The following DACH1 variants were observed in gnomAD, a reference collection of about 807,000 sequenced individuals.
DACH1 encodes the protein dachshund family transcription factor 1, also known as dachshund homolog 1.
In DACH1, 12 loss-of-function variants were observed where a neutral mutation model predicts 54.2. The ratio of observed to expected loss-of-function variants is 0.22; its 90% confidence interval spans 0.14 to 0.36. The LOEUF is 0.36. Ranked by LOEUF, DACH1 falls within the 10% of genes least tolerant of loss-of-function variation. DACH1 has a pLI of 1.00. For synonymous variants in DACH1, 386 were observed against 366.2 expected, an observed-to-expected ratio of 1.05 and a Z score of -0.62; for missense variants, 805 against 929.8, an observed-to-expected ratio of 0.87 and a Z score of 1.75.
At chr13:71,585,687 T>A (rs1873195785) in intron 3 of DACH1, among the ~76,000 whole-genome samples, 1 of 152,098 alleles carries the variant, frequency 6.6e-6, no homozygotes, top group Non-Finnish European at 1.5e-5. Context: ...AGGACCAGAT[T>A]ATGAAAGTTC....
intron 1 of DACH1, among the ~76,000 whole-genome samples, chr13:71,725,371 CT>C (rs1883424093): frequency 6.6e-6 from 1 of 152,040 alleles, no homozygotes; most frequent in Non-Finnish European, 1.5e-5. Context: ...TCTAAAACTC[CT>C]CTCAAAAGCT....
intron 1 of DACH1, among the ~76,000 whole-genome samples, chr13:71,791,244 G>A (rs1886818156): frequency 6.6e-6 from 1 of 152,092 alleles, no homozygotes; most frequent in African/African-American, 2.4e-5. Context: ...TAACCCATTT[G>A]CTCTTTCGGA....
At chr13:71,644,344 G>T (rs1374998702) in intron 2 of DACH1, among the ~76,000 whole-genome samples, 1 of 152,102 alleles carries the variant, frequency 6.6e-6, no homozygotes, top group Non-Finnish European at 1.5e-5. Flanking sequence ...AAAAATGAAT[G>T]GTCTATGTGT....
At chr13:71,703,612 T>C (rs1044970154) in intron 1 of DACH1, among the ~76,000 whole-genome samples, 7 of 152,360 alleles carry the variant, frequency 4.6e-5, no homozygotes, top group Non-Finnish European at 1.0e-4. Context: ...ATATGTATGC[T>C]AGAGCTCAAC....
Position 71,738,731 on chromosome 13 carries a change from CAAAAAAAAAAA to C in DACH1, c.849-56832_849-56822del, listed in dbSNP as rs34856567. Among the ~76,000 whole-genome samples, 174 of 24,058 alleles carry C rather than the reference CAAAAAAAAAAA, an allele frequency of 7.2e-3. 2 individuals are homozygous for C. The highest frequency in any genetic ancestry group is 8.9e-3 in the Admixed American group (9 of 1,010). 15.8% of individuals were successfully genotyped at this position (24,058 alleles called of 152,430 possible). ...TGGGCAACAGAGCGAGACTCTGTCT[CAAAAAAAAAAA>C]AAAAAAAAAAAAAAAAAAAGACAGA... On this transcript the variant is annotated intron_variant, in intron 1 of 10. Transcript: ENST00000613252.
chr13:71,816,581 C>T lies in DACH1; in HGVS notation c.848+49341G>A, dbSNP rs191869511. Among the ~76,000 whole-genome samples the T allele has an allele frequency of 1.4e-3, 168 of 122,732 alleles. 2 individuals carry two copies. Among genetic ancestry groups the T allele is most frequent in the African/African-American group, 5.0e-3 (158 of 31,892 alleles). The allele number at this position is 122,732 out of a possible 152,430, so 80.5% of individuals were successfully genotyped here. On this transcript the variant is annotated intron_variant, in intron 1 of 10. Coordinates refer to ENST00000613252, the MANE Select transcript of DACH1 (RefSeq NM_080759.6). The stretch of plus-strand genomic sequence containing the variant: ...ACATATATGTGTGTATATATATACA[C>T]GTATATATATACACACATATGTGTG...
At chr13:71,726,392 C>A (rs1410374813) in intron 1 of DACH1, among the ~76,000 whole-genome samples, 6 of 152,086 alleles carry the variant, frequency 3.9e-5, no homozygotes, top group Admixed American at 1.3e-4. Flanking sequence ...CGTGACTTAA[C>A]AAGAAAACGC....
At chr13:71,512,284 T>C (rs1395015851) in intron 6 of DACH1, among the ~76,000 whole-genome samples, 1 of 151,934 alleles carries the variant, frequency 6.6e-6, no homozygotes, top group Non-Finnish European at 1.5e-5. Flanking sequence ...TAGCCTTCTC[T>C]GCATTATGTT....
chr13:71,865,691 G>T (rs1458374808), intron 1 of DACH1, among the ~76,000 whole-genome samples: 1 of 152,154 alleles, frequency 6.6e-6, no homozygotes, highest in African/African-American at 2.4e-5. Context: ...GGACCCAGAG[G>T]GCAAGGGGAG....
intron 1 of DACH1, among the ~76,000 whole-genome samples, chr13:71,815,117 C>T (rs1887859136): frequency 6.6e-6 from 1 of 152,252 alleles, no homozygotes; most frequent in East Asian, 1.9e-4. Context: ...AACTGTATAC[C>T]AGATGCTTGA....
At chr13:71,778,574 G>C (rs1206733995) in intron 1 of DACH1, among the ~76,000 whole-genome samples, 1 of 151,740 alleles carries the variant, frequency 6.6e-6, no homozygotes, top group East Asian at 1.9e-4. Flanking sequence ...ATTTTCAAAA[G>C]GCATAACTAT....
chr13:71,580,508 A>G (rs1225372430), intron 3 of DACH1, among the ~76,000 whole-genome samples: 2 of 152,186 alleles, frequency 1.3e-5, no homozygotes, highest in Non-Finnish European at 2.9e-5. Context: ...GCAAGGTGAA[A>G]TAAGTTTTAA....
chr13:71,698,451 T>C (rs1460935872), intron 1 of DACH1, among the ~76,000 whole-genome samples: 1 of 152,236 alleles, frequency 6.6e-6, no homozygotes, highest in Non-Finnish European at 1.5e-5. Flanking sequence ...GTCCTCTGTA[T>C]TGAAATTTAA....
chr13:71,470,783 G>C (rs530858758), intron 10 of DACH1, among the ~76,000 whole-genome samples: 9 of 152,126 alleles, frequency 5.9e-5, no homozygotes, highest in Admixed American at 1.3e-4. Flanking sequence ...GGAATAGCAG[G>C]CACCACTATG....
rs1180786420 is a variant in DACH1 at position 71,866,391 on chromosome 13, C to T, written c.379G>A (p.Gly127Ser). The T allele has an allele frequency of 6.8e-7, 1 of 1,473,320 alleles. No individual in the cohort carries two copies. Among genetic ancestry groups the T allele is most frequent in the South Asian group, 1.3e-5 (1 of 79,038 alleles). The allele number at this position is 1,473,320 out of a possible 1,614,324, so 91.3% of individuals were successfully genotyped here. A position where few individuals can be genotyped will look rare whatever the true frequency, so the allele number is the denominator to read the frequency against. ...GGGGGISAGG[G>S]VASSTPINAS... Reference sequence around the variant, plus strand: ...TTGATGGGGGTGCTGGAAGCGACGCCGCCGCCAGCGCTGATGCCGCCGCCG... The same window carrying T: ...TTGATGGGGGTGCTGGAAGCGACGCTGCCGCCAGCGCTGATGCCGCCGCCG... The change falls in exon 1 of 11, where the codon GGC becomes AGC. Residue 127 changes from glycine to serine, a missense_variant. By Grantham distance (56) the Gly-to-Ser change is moderately conservative (BLOSUM62 0). This residue lies in a region of DACH1 where 305 missense variants were observed against 308.7 expected (regional missense o/e 0.99). Coordinates refer to ENST00000613252, the MANE Select transcript of DACH1 (RefSeq NM_080759.6).
chr13:71,839,534 G>C (rs1888935442), intron 1 of DACH1, among the ~76,000 whole-genome samples: 1 of 152,274 alleles, frequency 6.6e-6, no homozygotes, highest in Middle Eastern at 3.4e-3. Context: ...GTGAACTCAG[G>C]AGGTGGAGCT....
rs529015882 is a variant in DACH1 at position 71,733,326 on chromosome 13, C to T, written c.849-51416G>A. On this transcript the variant is annotated intron_variant, in intron 1 of 10. Transcript: ENST00000613252. ...ACAGGTGTGCGCCACTATGCCTGGC[C>T]AAGTTTTTTGTTTGCTTGTTTGTTT... is the stretch of plus-strand genomic sequence containing the variant. Among the ~76,000 whole-genome samples the T allele has an allele frequency of 3.3e-5, 5 of 151,912 alleles. 1 individual carries two copies. Among genetic ancestry groups the T allele is most frequent in the African/African-American group, 1.2e-4 (5 of 41,440 alleles).
intron 1 of DACH1, among the ~76,000 whole-genome samples, chr13:71,804,793 G>A (rs1442287616): frequency 6.6e-6 from 1 of 152,034 alleles, no homozygotes; most frequent in Non-Finnish European, 1.5e-5. Flanking sequence ...GCTTCAATAT[G>A]TTCTTTCAAG....
Position 71,735,276 on chromosome 13 carries a change from A to ATATGGGATATACG in DACH1, c.849-53367_849-53366insCGTATATCCCATA, listed in dbSNP as rs1566467396. ...ATATACGTGTATATGGGATACACGT[A>ATATGGGATATACG]TGTATATGGGATATACACGTATACG... is the stretch of plus-strand genomic sequence containing the variant. On this transcript the variant is annotated intron_variant, in intron 1 of 10. Coordinates refer to ENST00000613252, the MANE Select transcript of DACH1 (RefSeq NM_080759.6). Among the ~76,000 whole-genome samples, 10 of 35,762 alleles carry ATATGGGATATACG rather than the reference A, an allele frequency of 2.8e-4. 2 individuals are homozygous for ATATGGGATATACG. Among genetic ancestry groups the ATATGGGATATACG allele is most frequent in the African/African-American group, 4.7e-4 (10 of 21,442 alleles). 23.5% of individuals were successfully genotyped at this position (35,762 alleles called of 152,430 possible). A position where few individuals can be genotyped will look rare whatever the true frequency, so the allele number is the denominator to read the frequency against.
Sources: allele counts gnomAD v4.1 joint callset (sites outside exome capture counted in the v4.1 genomes callset), GRCh38; gene constraint gnomAD v4.1.1; regional missense constraint gnomAD v4.1.1; transcripts MANE v1.5; gene names NCBI Gene and HGNC (gene_info 2026-07-23, HGNC 2026-07-21).